The following MICAL3 variants were observed in gnomAD, a reference collection of about 807,000 sequenced individuals.
MICAL3 encodes the protein microtubule associated monooxygenase, calponin and LIM domain containing 3.
MICAL3 carries 62 observed loss-of-function variants against 207.4 expected under a neutral mutation model. The ratio of observed to expected loss-of-function variants is 0.30; its 90% CI spans 0.24 to 0.37. MICAL3 has a LOEUF of 0.37. Among genes scored for constraint, MICAL3 ranks in the 10% least tolerant of loss-of-function variants. The pLI, the probability that MICAL3 is intolerant of heterozygous loss-of-function variation, is 1.00. For synonymous variants in MICAL3, 1,077 were observed against 1,069.3 expected (o/e 1.01, Z -0.14); for missense variants, 2,368 against 2,635.6 (o/e 0.90, Z 2.22).
chr22:17,952,276 C>T (rs188652436), intron 1 of MICAL3, among the ~76,000 whole-genome samples: 323 of 152,320 alleles, frequency 2.1e-3, no homozygotes, highest in Non-Finnish European at 4.1e-3. Flanking sequence ...TGCCCCCAAC[C>T]TCCCCATCAC....
chr22:17,858,238 C>G (rs76441392), intron 19 of MICAL3, among the ~76,000 whole-genome samples: 20,731 of 152,214 alleles, frequency 0.14, 1,738 homozygotes, highest in Admixed American at 0.21. Context: ...GAGGTGTTGG[C>G]AGCCAACAGG....
At chr22:17,872,910 A>C in intron 16 of MICAL3, 2 of 1,136,694 alleles carry the variant, frequency 1.8e-6, no homozygotes, top group East Asian at 4.7e-5. Flanking sequence ...AAGGAAAAAA[A>C]TACATAAATT....
chr22:17,942,891 C>T (rs912479427), intron 1 of MICAL3, among the ~76,000 whole-genome samples: 2 of 152,204 alleles, frequency 1.3e-5, no homozygotes, highest in Admixed American at 1.3e-4. Context: ...GCACAGCAGA[C>T]CCAGCAAGGT....
At chr22:17,924,300 C>T (rs567156067) in intron 1 of MICAL3, among the ~76,000 whole-genome samples, 23 of 152,306 alleles carry the variant, frequency 1.5e-4, no homozygotes, top group African/African-American at 5.3e-4. Context: ...GACTCCAACT[C>T]ACCAGGGCAC....
In MICAL3 at chr22:17,886,016, C is replaced by T. The variant is rs201783397; in HGVS notation, c.2103G>A (p.Pro701=). 1.7e-4 allele frequency: 281 copies of T among 1,613,900 alleles called. No homozygotes were observed. The highest frequency in any genetic ancestry group is 2.2e-4 in the Non-Finnish European group (261 of 1,179,902). ...EAPRGHRGER[P]TLVSTLTDRR... ...TGTCTGTCAGAGTGCTCACCAGGGT[C>T]GGTCTTTCTCCTCTGTGGCCCCGAG... Residue 701 remains proline, a synonymous_variant, in exon 16 of 32, where the codon CCG becomes CCA. Coordinates refer to ENST00000441493, the MANE Select transcript of MICAL3 (RefSeq NM_015241.3).
rs745671121 is a variant in MICAL3, at chr22:17,817,937, A to G, written c.4724T>C (p.Leu1575Pro). 47 of 1,612,240 alleles carry G rather than the reference A, an allele frequency of 2.9e-5. No individual in the cohort carries two copies. The highest frequency in any genetic ancestry group is 1.6e-4 in the Middle Eastern group (1 of 6,084). ...GGGCAGCCCCCTCTTCTGTGGCTGC[A>G]GCGTCCCCTCCAGAGCAGGCAGCCT... ...NGRLPALEGT[L>P]QPQKRGLPLV... Residue 1575 changes from leucine to proline, a missense_variant, in exon 26 of 32, where the codon CTG becomes CCG. Leu to Pro is a moderately conservative substitution (Grantham distance 98). This residue lies in a region of MICAL3 where 1,770 missense variants were observed against 1,863.2 expected (regional missense o/e 0.95). Coordinates refer to ENST00000441493, the MANE Select transcript of MICAL3 (RefSeq NM_015241.3).
chr22:17,896,272 C>T lies in MICAL3; in HGVS notation c.1296G>A (p.Thr432=), dbSNP rs761534406. Residue 432 remains threonine (T), a synonymous_variant, in exon 9 of 32, where the codon ACG becomes ACA. Coordinates refer to ENST00000441493, the MANE Select transcript of MICAL3 (RefSeq NM_015241.3). ...AWMVRSWSLG[T]SPLEVLAERE... is the part of the protein sequence containing the mutation. Reference sequence around the variant, plus strand: ...TCTCTGCCAGCACTTCCAAAGGGCTCGTTCCTAGAGACCAACTTCGGACCA... The same window carrying T: ...TCTCTGCCAGCACTTCCAAAGGGCTTGTTCCTAGAGACCAACTTCGGACCA... 8.3e-6 allele frequency: 13 copies of T among 1,557,624 alleles called. No homozygotes were observed. Among genetic ancestry groups the T allele is most frequent in the East Asian group, 2.4e-5 (1 of 41,352 alleles).
chr22:17,915,531 T>C (rs917312272), intron 1 of MICAL3, among the ~76,000 whole-genome samples: 2 of 152,230 alleles, frequency 1.3e-5, no homozygotes, highest in Non-Finnish European at 2.9e-5. Flanking sequence ...GGGCAGAGCC[T>C]GCAGCTAAGG....
rs1044428118 is a variant in MICAL3 at position 17,789,396 on chromosome 22, G to A, written c.*1336C>T. The A allele has an allele frequency of 2.0e-5, 3 of 152,378 alleles. No homozygotes were observed. The highest frequency in any genetic ancestry group is 2.9e-5 in the Non-Finnish European group (2 of 68,050). 9.4% of individuals were successfully genotyped at this position (152,378 alleles called of 1,614,324 possible). On this transcript the variant is annotated 3_prime_UTR_variant, in exon 32 of 32. Coordinates refer to ENST00000441493, the MANE Select transcript of MICAL3 (RefSeq NM_015241.3). ...CTTCTTTAACATATGTGCGGAGGAA[G>A]GTGATGCCCTGGCCCCCAAACTGAG...
chr22:17,811,071 G>C (rs943903476), intron 27 of MICAL3: 2 of 441,250 alleles, frequency 4.5e-6, no homozygotes, highest in Non-Finnish European at 8.3e-6. Context: ...CACAGAGTGA[G>C]ACATTTCCCC....
intron 1 of MICAL3, among the ~76,000 whole-genome samples, chr22:17,990,152 A>G (rs1350055200): frequency 2.0e-5 from 3 of 152,206 alleles, no homozygotes; most frequent in African/African-American, 7.2e-5. Flanking sequence ...GGAGTGAGCT[A>G]GAGAGCAGGC....
chr22:17,820,950 A>G, intron 25 of MICAL3, among the ~76,000 whole-genome samples: 1 of 142,228 alleles, frequency 7.0e-6, no homozygotes, highest in South Asian at 2.2e-4. Context: ...ATGTTTATAA[A>G]CATAAATTTT....
intron 1 of MICAL3, among the ~76,000 whole-genome samples, chr22:18,007,968 C>T (rs1302502193): frequency 7.1e-6 from 1 of 141,094 alleles, no homozygotes; most frequent in Non-Finnish European, 1.5e-5. Flanking sequence ...GGGCTGGGTA[C>T]GGTGGTTCCC....
chr22:17,902,398 C>G lies in MICAL3; in HGVS notation c.589+233G>C, dbSNP rs141208090. On this transcript the variant is annotated intron_variant, in intron 4 of 31. Transcript: ENST00000441493. This position sits in a 1 kb window ranked among gnomAD's most constrained non-coding sequence, Gnocchi z 4.5. The stretch of plus-strand genomic sequence containing the variant: ...AGACTCTCATCTAACAAAGAAAAAG[C>G]AGTGGGGACAAACCACAGAAGGAAA... Among the ~76,000 whole-genome samples the G allele has an allele frequency of 6.6e-6, 1 of 152,270 alleles. No individual in the cohort carries two copies. The highest frequency in any genetic ancestry group is 2.4e-5 in the African/African-American group (1 of 41,538).
In MICAL3 at chr22:17,791,213, C is replaced by T. The variant is rs771935316; in HGVS notation, c.5739G>A (p.Glu1913=). Residue 1913 remains glutamate (E), a synonymous_variant, in exon 30 of 32, where the codon GAG becomes GAA. Coordinates refer to ENST00000441493, the MANE Select transcript of MICAL3 (RefSeq NM_015241.3). The stretch of plus-strand genomic sequence containing the variant: ...CCAAGGCCACTCACAAGATCATCAG[C>T]TCCGACTCGTAGCGCACCATGGCGT... The part of the protein sequence containing the change: ...EKNAMVRYES[E]LMIFARELEL... 1 of 1,613,820 alleles carries T rather than the reference C, an allele frequency of 6.2e-7. No individual in the cohort carries two copies. The highest frequency in any genetic ancestry group is 2.2e-5 in the East Asian group (1 of 44,868).
intron 29 of MICAL3, 162 bp from the exon 30 acceptor site, chr22:17,791,463 G>A (rs929699579): frequency 2.0e-5 from 13 of 653,996 alleles, no homozygotes; most frequent in African/African-American, 3.6e-5. Flanking sequence ...GGGCCCTGGC[G>A]TCCCCCTTCC....
At chr22:17,941,335 T>C (rs1933796871) in intron 1 of MICAL3, among the ~76,000 whole-genome samples, 1 of 152,218 alleles carries the variant, frequency 6.6e-6, no homozygotes, top group South Asian at 2.1e-4. Context: ...GTGGAGATGA[T>C]GGCTGTCAAT....
chr22:17,825,641 A>G (rs564274138), intron 22 of MICAL3, among the ~76,000 whole-genome samples: 10 of 152,270 alleles, frequency 6.6e-5, no homozygotes, highest in African/African-American at 1.7e-4. Flanking sequence ...CGCATCCCAG[A>G]AGTGACCGCT....
Position 17,818,401 on chromosome 22 carries a change from C to T in MICAL3, c.4260G>A (p.Arg1420=). 2.5e-6 allele frequency: 4 copies of T among 1,611,250 alleles called. No homozygotes were observed. The highest frequency in any genetic ancestry group is 1.6e-4 in the Middle Eastern group (1 of 6,062). ...CCAGGCCAGAGCTGCTGGACAGCTC[C>T]CTGCGCTCCTCCTGGGCGCTGCGTA... ...RELRSAQEER[R]ELSSSSGLGL... is the part of the protein sequence containing the mutation. Residue 1420 remains arginine (R), a synonymous_variant, in exon 26 of 32, where the codon AGG becomes AGA. Transcript: ENST00000441493.
Sources: gnomAD v4.1 joint callset for allele counts (sites outside exome capture counted in the v4.1 genomes callset) on GRCh38, gnomAD v4.1.1 for gene constraint, gnomAD v4.1.1 regional missense constraint, Gnocchi (gnomAD v3.1) non-coding constraint, MANE v1.5 for transcripts, NCBI Gene and HGNC (gene_info 2026-07-23, HGNC 2026-07-21) for gene names.